AUH: variants seen among roughly 807,000 people sequenced by gnomAD.
AUH encodes the protein AU RNA binding methylglutaconyl-CoA hydratase, also known as methylglutaconyl-CoA hydratase, mitochondrial.
AUH carries 29 observed loss-of-function variants against 42.3 expected under a neutral mutation model. That is an observed-to-expected ratio of 0.69 (90% CI 0.51 to 0.93). The LOEUF (loss-of-function observed/expected upper bound fraction) is 0.93. AUH is among the 40% of genes least tolerant of loss of function. The probability of loss-of-function intolerance (pLI) is 0.00; values close to 1 mark genes in which losing one functional copy is unlikely to be tolerated. For missense variants in AUH, 452 were observed against 438.1 expected (o/e 1.03, Z -0.28); for synonymous variants, 174 against 166.4 (o/e 1.05, Z -0.35).
chr9:91,331,971 G>C (rs781172555), intron 3 of AUH, among the ~76,000 whole-genome samples: 1 of 152,166 alleles, frequency 6.6e-6, no homozygotes, highest in African/African-American at 2.4e-5. Flanking sequence ...TTAAGCCAGT[G>C]ATCTTCAACC....
intron 3 of AUH, among the ~76,000 whole-genome samples, chr9:91,336,656 C>T (rs1375186968): frequency 6.7e-6 from 1 of 148,508 alleles, no homozygotes; most frequent in African/African-American, 2.5e-5. Flanking sequence ...AAGAAATGAA[C>T]CTCCATCACA....
At chr9:91,222,645 G>T (rs1289091159) in intron 6 of AUH, among the ~76,000 whole-genome samples, 1 of 152,174 alleles carries the variant, frequency 6.6e-6, no homozygotes, top group Admixed American at 6.5e-5. Flanking sequence ...GGGATAAGCT[G>T]CATGGAAAAG....
chr9:91,346,597 A>G (rs746278606), intron 3 of AUH, among the ~76,000 whole-genome samples: 1 of 152,146 alleles, frequency 6.6e-6, no homozygotes, highest in Non-Finnish European at 1.5e-5. Context: ...CTTTTTTTCT[A>G]ACACCACTTC....
At chr9:91,278,619 C>T (rs1825729804) in intron 6 of AUH, among the ~76,000 whole-genome samples, 1 of 152,186 alleles carries the variant, frequency 6.6e-6, no homozygotes, top group Non-Finnish European at 1.5e-5. Context: ...AGTAAGATAA[C>T]TTTTCTGATT....
intron 6 of AUH, among the ~76,000 whole-genome samples, chr9:91,271,643 A>G (rs1280807670): frequency 6.6e-6 from 1 of 152,250 alleles, no homozygotes; most frequent in African/African-American, 2.4e-5. Context: ...AAGATATTAT[A>G]TTAGTCCTTC....
chr9:91,332,648 T>A (rs561491179), intron 3 of AUH, among the ~76,000 whole-genome samples: 1 of 152,184 alleles, frequency 6.6e-6, no homozygotes, highest in Non-Finnish European at 1.5e-5. Flanking sequence ...GCACAGCTTT[T>A]GGCCAGAAGC....
At chr9:91,353,112 A>T (rs1832117763) in intron 3 of AUH, among the ~76,000 whole-genome samples, 1 of 151,812 alleles carries the variant, frequency 6.6e-6, no homozygotes, top group South Asian at 2.1e-4. Flanking sequence ...TTTGAGCCGG[A>T]GTCTCACACT....
chr9:91,269,153 G>A (rs1389609717), intron 6 of AUH, among the ~76,000 whole-genome samples: 1 of 152,028 alleles, frequency 6.6e-6, no homozygotes, highest in Non-Finnish European at 1.5e-5. Context: ...GCTAATTTTT[G>A]TATTTTTAGT....
intron 4 of AUH, among the ~76,000 whole-genome samples, chr9:91,314,070 C>T (rs968976353): frequency 3.9e-5 from 6 of 152,050 alleles, no homozygotes; most frequent in Non-Finnish European, 5.9e-5. Flanking sequence ...GTGATCTGCC[C>T]GCCTCAGGCT....
At chr9:91,222,780 T>C (rs1239868128) in intron 6 of AUH, among the ~76,000 whole-genome samples, 2 of 152,224 alleles carry the variant, frequency 1.3e-5, no homozygotes. Context: ...TTAATGAATA[T>C]ATATTATTCA....
chr9:91,360,028 A>G (rs977271348), intron 1 of AUH, among the ~76,000 whole-genome samples: 8 of 151,730 alleles, frequency 5.3e-5, no homozygotes, highest in Non-Finnish European at 8.8e-5. Flanking sequence ...AAAAAAAAAG[A>G]AACCATGATA....
intron 6 of AUH, among the ~76,000 whole-genome samples, chr9:91,257,913 GTCT>G: frequency 6.6e-6 from 1 of 152,296 alleles, no homozygotes. Flanking sequence ...CTCCATTTAA[GTCT>G]TCTTTCATTT....
rs373371807 is a variant in AUH at position 91,320,112 on chromosome 9, T to C, written c.505+5206A>G. Among the ~76,000 whole-genome samples the C allele has an allele frequency of 1.1e-4, 16 of 152,332 alleles. No homozygotes were observed. In the East Asian group the frequency reaches 2.3e-3, roughly 22 times the overall value. On this transcript the variant is annotated intron_variant, in intron 4 of 9. Coordinates refer to ENST00000375731, the MANE Select transcript of AUH (RefSeq NM_001698.3). Reference sequence around the variant, plus strand: ...AGCTAACAGTACCACTTTAATCAAATCTCATATATTTGGACATATGGTAAT... The same window carrying C: ...AGCTAACAGTACCACTTTAATCAAACCTCATATATTTGGACATATGGTAAT...
chr9:91,336,208 T>C (rs1830674850), intron 3 of AUH, among the ~76,000 whole-genome samples: 1 of 152,094 alleles, frequency 6.6e-6, no homozygotes, highest in Non-Finnish European at 1.5e-5. Flanking sequence ...CATATGCATA[T>C]ATATGTATAT....
At chr9:91,254,134 G>C (rs1829284191) in intron 6 of AUH, among the ~76,000 whole-genome samples, 1 of 152,184 alleles carries the variant, frequency 6.6e-6, no homozygotes, top group South Asian at 2.1e-4. Flanking sequence ...GCCTCTCCCG[G>C]AAAGCAGACA....
rs1303607610 is a variant in AUH at position 91,361,827 on chromosome 9, G to A, written c.63C>T (p.Arg21=). Residue 21 remains arginine, a synonymous_variant, in exon 1 of 10, where the codon CGC becomes CGT. Transcript: ENST00000375731. ...GCCACGCACTGCAAGCGGCCACCAG[G>A]CGGGCGCCGCCAGCATGCAGGGATC... ...ALGSLHAGGA[R]LVAACSAWLC... The A allele has an allele frequency of 4.0e-6, 6 of 1,504,460 alleles. No individual in the cohort carries two copies. The highest frequency in any genetic ancestry group is 2.5e-5 in the South Asian group (2 of 80,048). 93.2% of individuals were successfully genotyped at this position (1,504,460 alleles called of 1,614,324 possible).
intron 1 of AUH, among the ~76,000 whole-genome samples, chr9:91,359,001 C>T (rs1362812611): frequency 6.6e-6 from 1 of 152,134 alleles, no homozygotes; most frequent in Non-Finnish European, 1.5e-5. Context: ...ATCATGCATC[C>T]TCCTCACATA....
At chr9:91,353,820 CAAAAAAAAAAA>C (rs56842895) in intron 3 of AUH, among the ~76,000 whole-genome samples, 16 of 27,646 alleles carry the variant, frequency 5.8e-4, no homozygotes, top group African/African-American at 9.3e-4. Flanking sequence ...GACTCCGTCT[CAAAAAAAAAAA>C]AAAAAAAAAA....
At chr9:91,223,542 A>G (rs2387099) in intron 6 of AUH, among the ~76,000 whole-genome samples, 18,839 of 152,172 alleles carry the variant, frequency 0.12, 1,232 homozygotes, top group East Asian at 0.23. Flanking sequence ...GGATATACAA[A>G]TATCTCTTCA....
Sources: allele counts gnomAD v4.1 joint callset (sites outside exome capture counted in the v4.1 genomes callset), GRCh38; gene constraint gnomAD v4.1.1; transcripts MANE v1.5; gene names NCBI Gene and HGNC (gene_info 2026-07-23, HGNC 2026-07-21).